The following RELN variants were observed in gnomAD, a reference collection of about 807,000 sequenced individuals.
RELN encodes reelin.
A neutral mutation model predicts 427.6 loss-of-function variants in RELN; 108 were observed. The ratio of observed to expected loss-of-function variants is 0.25; its 90% confidence interval spans 0.22 to 0.30. The LOEUF is 0.30. RELN is among the 10% of genes least tolerant of loss of function. The probability of loss-of-function intolerance (pLI) is 1.00; values close to 1 mark genes in which losing one functional copy is unlikely to be tolerated. For synonymous variants in RELN, 1,524 were observed against 1,513.4 expected, an observed-to-expected ratio of 1.01 and a Z score of -0.16; for missense variants, 3,715 against 4,302.8, an observed-to-expected ratio of 0.86 and a Z score of 3.82.
At chr7:103,576,066 A>AC (rs1228850946) in intron 28 of RELN, among the ~76,000 whole-genome samples, 2 of 152,100 alleles carry the variant, frequency 1.3e-5, no homozygotes, top group Non-Finnish European at 2.9e-5. Context: ...CCCTGTCTCT[A>AC]CTAAAAATAG....
At chr7:103,606,919 G>A (rs1364724969) in intron 22 of RELN, among the ~76,000 whole-genome samples, 2 of 152,054 alleles carry the variant, frequency 1.3e-5, no homozygotes, top group Non-Finnish European at 2.9e-5. Flanking sequence ...CTATGAGTAA[G>A]AACATGCGGT....
At chr7:103,652,262 T>A (rs557938466) in intron 14 of RELN, among the ~76,000 whole-genome samples, 1 of 151,744 alleles carries the variant, frequency 6.6e-6, no homozygotes, top group South Asian at 2.1e-4. Flanking sequence ...TTTTTTTTTT[T>A]TTTCTCTCTT....
chr7:103,947,117 T>C lies in RELN; in HGVS notation c.227-29932A>G, dbSNP rs561526107. ...TTGGCATTTAAAAACTAAACAACAGTCATAATGCTTTATTCTTACATATAT... is the reference window on the plus strand; with the variant it reads ...TTGGCATTTAAAAACTAAACAACAGCCATAATGCTTTATTCTTACATATAT... On this transcript the variant is annotated intron_variant, in intron 1 of 64. Transcript: ENST00000428762. Among the ~76,000 whole-genome samples, 10 of 152,300 alleles carry C rather than the reference T, an allele frequency of 6.6e-5. 1 individual carries two copies. In the South Asian group the frequency reaches 2.1e-3, roughly 32 times the overall value.
chr7:103,856,569 C>CAAAAAAAAAAAAAAAAAAA (rs34695080), intron 2 of RELN, among the ~76,000 whole-genome samples: 2 of 80,382 alleles, frequency 2.5e-5, no homozygotes, highest in Non-Finnish European at 4.9e-5. Flanking sequence ...AACTCCACCT[C>CAAAAAAAAAAAAAAAAAAA]AAAAAAAAAA....
rs112857222 is a variant in RELN at position 103,835,880 on chromosome 7, C to T, written c.338-2208G>A. Among the ~76,000 whole-genome samples, 1,283 of 152,078 alleles carry T rather than the reference C, an allele frequency of 8.4e-3. 16 individuals are homozygous for T. Among genetic ancestry groups the T allele is most frequent in the African/African-American group, 0.029 (1,192 of 41,446 alleles). On this transcript the variant is annotated intron_variant, in intron 2 of 64. Coordinates refer to ENST00000428762, the MANE Select transcript of RELN (RefSeq NM_005045.4). ...CATAAATCTTGATTTTCTTCCTGCCCACCAGAGTGATCTTTCTAAAATATA... is the reference window on the plus strand; with the variant it reads ...CATAAATCTTGATTTTCTTCCTGCCTACCAGAGTGATCTTTCTAAAATATA...
At chr7:103,809,397 G>GA (rs1792679593) in intron 3 of RELN, among the ~76,000 whole-genome samples, 3 of 152,112 alleles carry the variant, frequency 2.0e-5, no homozygotes, top group Admixed American at 6.5e-5. Context: ...CCAAAGCAGC[G>GA]GGAGAGAGAG....
chr7:103,896,081 T>G (rs1794952950), intron 2 of RELN, among the ~76,000 whole-genome samples: 1 of 152,040 alleles, frequency 6.6e-6, no homozygotes, highest in Admixed American at 6.6e-5. Flanking sequence ...GAAAAAGTGC[T>G]CAGTATCAAT....
intron 4 of RELN, among the ~76,000 whole-genome samples, chr7:103,758,888 A>G (rs1037740381): frequency 3.3e-5 from 5 of 152,018 alleles, no homozygotes; most frequent in Non-Finnish European, 7.4e-5. Context: ...TAGATCAGCA[A>G]TGAAATGCTT....
rs141962610 is a variant in RELN, at chr7:103,566,131, C to T, written c.4936+93G>A. 1,518 of 1,124,918 alleles carry T rather than the reference C, an allele frequency of 1.3e-3. 16 individuals are homozygous for T. The African/African-American group carries it at 0.02, about 15-fold the overall frequency. The allele number at this position is 1,124,918 out of a possible 1,614,324, so 69.7% of individuals were successfully genotyped here. ...CCCTCAGCATGGGTAGTTAGGCACA[C>T]GGTTTTGCATTAGAAAGTTTTCTCC... On this transcript the variant is annotated intron_variant, in intron 33 of 64. Coordinates refer to ENST00000428762, the MANE Select transcript of RELN (RefSeq NM_005045.4).
chr7:103,964,515 G>GT lies in RELN; in HGVS notation c.226+24615dup, dbSNP rs990244714. Among the ~76,000 whole-genome samples the GT allele has an allele frequency of 4.6e-5, 7 of 152,292 alleles. No homozygotes were observed. In the East Asian group the frequency reaches 9.7e-4, roughly 21 times the overall value. On this transcript the variant is annotated intron_variant, in intron 1 of 64. Coordinates refer to ENST00000428762, the MANE Select transcript of RELN (RefSeq NM_005045.4). ...ATATCTCACCTATCCAGATGGCTCA[G>GT]TTAGGGCACAACTTACAATTACCAC...
At chr7:103,927,266 C>G (rs1476430488) in intron 1 of RELN, among the ~76,000 whole-genome samples, 2 of 152,266 alleles carry the variant, frequency 1.3e-5, no homozygotes, top group East Asian at 3.9e-4. Flanking sequence ...GATGAACCAT[C>G]TGTATGTTTA....
At chr7:103,704,847 C>G (rs1834167181) in intron 8 of RELN, among the ~76,000 whole-genome samples, 1 of 152,166 alleles carries the variant, frequency 6.6e-6, no homozygotes, top group Non-Finnish European at 1.5e-5. Context: ...GGCTTCTACT[C>G]TCAAGCACTC....
At chr7:103,890,247 A>C (rs17157063) in intron 2 of RELN, among the ~76,000 whole-genome samples, 10,473 of 151,458 alleles carry the variant, frequency 0.069, 737 homozygotes, top group East Asian at 0.39. Context: ...CAAGACGGTC[A>C]ATTCTTCTCA....
intron 6 of RELN, among the ~76,000 whole-genome samples, chr7:103,742,568 T>C (rs1456221775): frequency 6.6e-6 from 1 of 151,950 alleles, no homozygotes; most frequent in Non-Finnish European, 1.5e-5. Context: ...GAGAAGTCCT[T>C]AAAGGAGCTG....
At chr7:103,933,826 G>A (rs1795917306) in intron 1 of RELN, among the ~76,000 whole-genome samples, 2 of 152,104 alleles carry the variant, frequency 1.3e-5, no homozygotes, top group East Asian at 3.9e-4. Context: ...GCCTCATGCA[G>A]ATTGATTATT....
rs1554397636 is a variant in RELN, at chr7:103,651,733, T to C, written c.1820A>G (p.Glu607Gly). ...TCCAGCACAGATCTCAGGTAAGCAT[T>C]CAGTGTGAAGGAGGGACCAGGAGCG... ...HGRSWSLLHT[E>G]CLPEICAGPH... The change falls in exon 15 of 65, where the codon GAA (glutamate) becomes GGA (glycine). Residue 607 changes from glutamate to glycine, a missense_variant. Physicochemically the swap from Glu to Gly is moderately conservative, Grantham distance 98 (BLOSUM62 -2). Transcript: ENST00000428762. 1.2e-6 allele frequency: 2 copies of C among 1,611,800 alleles called. No homozygotes were observed. Among genetic ancestry groups the C allele is most frequent in the Admixed American group, 1.7e-5 (1 of 59,768 alleles).
chr7:103,597,317 T>C (rs1831560812), intron 24 of RELN, among the ~76,000 whole-genome samples: 1 of 152,080 alleles, frequency 6.6e-6, no homozygotes, highest in Non-Finnish European at 1.5e-5. Flanking sequence ...GAAAGAGTAC[T>C]TGAGGCCAGG....
At chr7:103,557,463 C>G (rs370928051) in intron 37 of RELN, among the ~76,000 whole-genome samples, 1 of 152,100 alleles carries the variant, frequency 6.6e-6, no homozygotes, top group African/African-American at 2.4e-5. Flanking sequence ...ACAGGCATCA[C>G]GATTTTACAA....
intron 36 of RELN, among the ~76,000 whole-genome samples, chr7:103,561,309 G>C (rs554193543): frequency 2.4e-3 from 358 of 152,292 alleles, no homozygotes; most frequent in Non-Finnish European, 3.9e-3. Context: ...CAGGAAGTAA[G>C]GAAGGTCTGA....
Sources: allele counts gnomAD v4.1 joint callset (sites outside exome capture counted in the v4.1 genomes callset), GRCh38; gene constraint gnomAD v4.1.1; transcripts MANE v1.5; gene names NCBI Gene and HGNC (gene_info 2026-07-23, HGNC 2026-07-21).